Variants in TVP23C observed in about 807,000 individuals in gnomAD.
TVP23C encodes the protein trans-golgi network vesicle protein 23 homolog C.
In TVP23C, 19 loss-of-function variants were observed where a neutral mutation model predicts 28.7. That is an observed-to-expected ratio of 0.66 (90% CI 0.46 to 0.97). The LOEUF (loss-of-function observed/expected upper bound fraction) is 0.97, where lower values mean the gene tolerates loss of function less well. Among genes scored for constraint, TVP23C ranks in the 50% least tolerant of loss-of-function variants. The pLI is 0.00. For synonymous variants in TVP23C, 68 were observed against 81.7 expected, an observed-to-expected ratio of 0.83 and a Z score of 0.90; for missense variants, 186 against 241.3, an observed-to-expected ratio of 0.77 and a Z score of 1.52.
In TVP23C at chr17:15,540,220, T is replaced by C. The variant is rs1983352806; in HGVS notation, c.*192A>G. 1.6e-6 allele frequency: 2 copies of C among 1,268,692 alleles called. No homozygotes were observed. Among genetic ancestry groups the C allele is most frequent in the Non-Finnish European group, 2.0e-6 (2 of 1,001,438 alleles). The allele number at this position is 1,268,692 out of a possible 1,614,324, so 78.6% of individuals were successfully genotyped here. A position where few individuals can be genotyped will look rare whatever the true frequency, so the allele number is the denominator to read the frequency against. On this transcript the variant is annotated 3_prime_UTR_variant, in exon 6 of 6. Transcript: ENST00000518321. Reference sequence around the variant, plus strand: ...AAATAAGTTATTATCAATGATAGTTTATCCTTCCTGGCTTTAAAATAATTT... The same window carrying C: ...AAATAAGTTATTATCAATGATAGTTCATCCTTCCTGGCTTTAAAATAATTT...
intron 5 of TVP23C, among the ~76,000 whole-genome samples, chr17:15,522,730 T>A (rs1982530583): frequency 6.6e-6 from 1 of 152,114 alleles, no homozygotes; most frequent in African/African-American, 2.4e-5. Context: ...GCTACATTTT[T>A]AAAAAAACTT....
chr17:15,543,896 T>C (rs185278558), intron 5 of TVP23C, among the ~76,000 whole-genome samples: 3 of 151,818 alleles, frequency 2.0e-5, no homozygotes, highest in Admixed American at 6.6e-5. Flanking sequence ...AACATAAACG[T>C]AACTGGTACT....
At chr17:15,531,967 C>T (rs916187479) in intron 5 of TVP23C, among the ~76,000 whole-genome samples, 7 of 152,090 alleles carry the variant, frequency 4.6e-5, no homozygotes, top group Non-Finnish European at 8.8e-5. Context: ...TACCTTTCCT[C>T]GACTAATTCT....
Position 15,542,120 on chromosome 17 carries a change from T to C in TVP23C, c.463-1559A>G, listed in dbSNP as rs373665497. 4.1e-4 allele frequency among the ~76,000 whole-genome samples: 62 copies of C among 152,342 alleles called. 1 individual carries two copies. The East Asian group carries it at 7.7e-3, about 19-fold the overall frequency. On this transcript the variant is annotated intron_variant, in intron 5 of 5. Transcript: ENST00000518321. ...AGAAAGAGCCAGGTTGGAGCAGCTC[T>C]ACATAGCTCCAAACTCTGCAAAGAA...
At chr17:15,530,007 C>T (rs1982887848) in intron 5 of TVP23C, among the ~76,000 whole-genome samples, 1 of 152,128 alleles carries the variant, frequency 6.6e-6, no homozygotes, top group Non-Finnish European at 1.5e-5. Flanking sequence ...CCATGTTGGC[C>T]AGGCTGGTCT....
At chr17:15,507,349 T>G in intron 5 of TVP23C, 1 of 740,950 alleles carries the variant, frequency 1.3e-6, no homozygotes, top group Non-Finnish European at 2.4e-6. Context: ...TGGACAACTC[T>G]AATAAGTTTC....
At chr17:15,521,033 A>AAAATTATAAAAACTTTACTTAAGG (rs1982453410) in intron 5 of TVP23C, among the ~76,000 whole-genome samples, 1 of 151,912 alleles carries the variant, frequency 6.6e-6, no homozygotes, top group Admixed American at 6.6e-5. Flanking sequence ...CTCTATAGAG[A>AAAATTATAAAAACTTTACTTAAGG]AAATTATAAA....
chr17:15,525,658 C>T (rs1982688409), intron 5 of TVP23C, among the ~76,000 whole-genome samples: 1 of 151,874 alleles, frequency 6.6e-6, no homozygotes, highest in African/African-American at 2.4e-5. Flanking sequence ...TGAAATAAAT[C>T]TCTCTCCGTG....
At chr17:15,506,304 C>T (rs1981737842) in intron 5 of TVP23C, among the ~76,000 whole-genome samples, 1 of 152,220 alleles carries the variant, frequency 6.6e-6, no homozygotes, top group African/African-American at 2.4e-5. Flanking sequence ...ACCTTTATGT[C>T]TAGCTCAGGG....
chr17:15,563,069 T>G lies in TVP23C; in HGVS notation c.12+368A>C, dbSNP rs1395834391. 2.1e-4 allele frequency: 68 copies of G among 326,008 alleles called. No homozygotes were observed. In the East Asian group the frequency reaches 3.3e-3, roughly 16 times the overall value. 20.2% of individuals were successfully genotyped at this position (326,008 alleles called of 1,614,324 possible). ...AGCGAGGCTCTGGCGGTGTCGCCGA[T>G]TCCTACAAGATAGCATCGCACCCCT... On this transcript the variant is annotated intron_variant, in intron 1 of 5. Coordinates refer to ENST00000518321, the MANE Select transcript of TVP23C (RefSeq NM_001135036.2).
At chr17:15,548,764 G>A (rs1374681355) in intron 3 of TVP23C, among the ~76,000 whole-genome samples, 1 of 152,160 alleles carries the variant, frequency 6.6e-6, no homozygotes, top group Non-Finnish European at 1.5e-5. Flanking sequence ...CCCAGCAGAT[G>A]CCTCAAATTG....
rs112644627 is a variant in TVP23C at position 15,555,370 on chromosome 17, T to A, written c.13-6A>T. On this transcript the variant is annotated splice_polypyrimidine_tract_variant and splice_region_variant and intron_variant, in intron 1 of 5. Coordinates refer to ENST00000518321, the MANE Select transcript of TVP23C (RefSeq NM_001135036.2). Reference sequence around the variant, plus strand: ...TCAGTGTCATCATTACTATCCTGGTTGGAAAAATAAATGGTCAAGAAGCAA... The same window carrying A: ...TCAGTGTCATCATTACTATCCTGGTAGGAAAAATAAATGGTCAAGAAGCAA... 2,605 of 1,612,008 alleles carry A rather than the reference T, an allele frequency of 1.6e-3. 14 individuals are homozygous for A. The highest frequency in any genetic ancestry group is 1.3e-3 in the Non-Finnish European group (1,484 of 1,178,156).
At chr17:15,508,276 A>C (rs1981853165) in intron 5 of TVP23C, among the ~76,000 whole-genome samples, 1 of 152,158 alleles carries the variant, frequency 6.6e-6, no homozygotes. Context: ...TCCCTCTAAC[A>C]GCCACCCCAC....
At chr17:15,556,061 C>T (rs369200578) in intron 1 of TVP23C, among the ~76,000 whole-genome samples, 12 of 151,834 alleles carry the variant, frequency 7.9e-5, no homozygotes, top group South Asian at 4.2e-4. Context: ...GGATTACAGG[C>T]GTGTGCCACC....
chr17:15,532,232 A>G (rs2654266), downstream of TVP23C, among the ~76,000 whole-genome samples: 2 of 152,152 alleles, frequency 1.3e-5, no homozygotes, highest in East Asian at 3.8e-4. Flanking sequence ...CAACTGTGCT[A>G]TTTAAATTAT....
chr17:15,502,646 A>G lies in TVP23C; in HGVS notation c.*218T>C, dbSNP rs145189834. 2.2e-4 allele frequency: 172 copies of G among 785,084 alleles called. No individual in the cohort carries two copies. The African/African-American group carries it at 2.6e-3, about 12-fold the overall frequency. 48.6% of individuals were successfully genotyped at this position (785,084 alleles called of 1,614,324 possible). ...AGGAAAGCGGACGCTTGCAGGGACC[A>G]CGCTGCTGCCTCTCTTCTGCCCTTT... is the stretch of plus-strand genomic sequence containing the variant. On this transcript the variant is annotated 3_prime_UTR_variant, in exon 6 of 6. Coordinates refer to the TVP23C transcript ENST00000225576.
intron 5 of TVP23C, among the ~76,000 whole-genome samples, chr17:15,528,056 A>G (rs1982798679): frequency 6.6e-6 from 1 of 152,058 alleles, no homozygotes; most frequent in South Asian, 2.1e-4. Flanking sequence ...CAAAGAACCA[A>G]CTTCTAGTTT....
intron 1 of TVP23C, among the ~76,000 whole-genome samples, chr17:15,558,458 T>C (rs1984228521): frequency 2.0e-5 from 3 of 146,642 alleles, no homozygotes; most frequent in South Asian, 2.2e-4. Flanking sequence ...GTAAATTTAC[T>C]TGGCAAAAAG....
downstream of TVP23C, among the ~76,000 whole-genome samples, chr17:15,532,665 C>T (rs1315927875): frequency 2.0e-5 from 3 of 152,120 alleles, no homozygotes; most frequent in African/African-American, 7.2e-5. Context: ...TCATTCCTGC[C>T]AGTGTCCTCA....
Sources: allele counts gnomAD v4.1 joint callset (sites outside exome capture counted in the v4.1 genomes callset), GRCh38; gene constraint gnomAD v4.1.1; transcripts MANE v1.5; gene names NCBI Gene and HGNC (gene_info 2026-07-23, HGNC 2026-07-21).